The following ZNG1E variants were observed in gnomAD, a reference collection of about 807,000 sequenced individuals.
ZNG1E encodes Zn regulated GTPase metalloprotein activator 1E.
the ZNG1E span, among the ~76,000 whole-genome samples, chr9:65,685,043 TAAAAA>T: frequency 0.2 from 20,093 of 99,532 alleles, 63 homozygotes; most frequent in Middle Eastern, 0.25. Flanking sequence ...CCCCATTTCT[TAAAAA>T]AAAAAAAAAA....
chr9:65,661,097 G>GT, the ZNG1E span, among the ~76,000 whole-genome samples: 1 of 140,210 alleles, frequency 7.1e-6, no homozygotes, highest in African/African-American at 2.8e-5. Context: ...AGATATATAC[G>GT]TTTTTTAAAA....
the ZNG1E span, among the ~76,000 whole-genome samples, chr9:65,715,864 A>G: frequency 1.2e-4 from 4 of 33,100 alleles, no homozygotes; most frequent in African/African-American, 4.3e-4. Context: ...GTTTTTGCAT[A>G]TGGCAAGGTT....
At chr9:65,726,487 TTAA>T in the ZNG1E span, among the ~76,000 whole-genome samples, 8 of 42,852 alleles carry the variant, frequency 1.9e-4, no homozygotes, top group Non-Finnish European at 1.5e-4. Context: ...TGTAAGGATA[TTAA>T]AAAAAAAAAG....
the ZNG1E span, among the ~76,000 whole-genome samples, chr9:65,694,546 T>G: frequency 2.0e-5 from 3 of 152,078 alleles, no homozygotes; most frequent in Admixed American, 1.3e-4. Flanking sequence ...TACACGAAAC[T>G]GACACACTGT....
At chr9:65,669,765 A>G in the ZNG1E span, among the ~76,000 whole-genome samples, 2 of 152,160 alleles carry the variant, frequency 1.3e-5, no homozygotes, top group Admixed American at 6.5e-5. Flanking sequence ...CAGCCCCTAA[A>G]AACATTGAAA....
At chr9:65,656,629 C>T in the ZNG1E span, among the ~76,000 whole-genome samples, 1 of 152,284 alleles carries the variant, frequency 6.6e-6, no homozygotes, top group African/African-American at 2.4e-5. Context: ...CCCAGCCTGG[C>T]AGAGGCTGGA....
the ZNG1E span, chr9:65,706,595 C>A: frequency 9.4e-6 from 1 of 106,208 alleles, no homozygotes; most frequent in Middle Eastern, 4.3e-3. Flanking sequence ...TGAAGAATTT[C>A]TTTTTCATGG....
the ZNG1E span, among the ~76,000 whole-genome samples, chr9:65,659,443 C>T: frequency 6.7e-5 from 10 of 149,680 alleles, no homozygotes; most frequent in African/African-American, 1.5e-4. Flanking sequence ...TGCAGTGAGC[C>T]GAGATCATGC....
At chr9:65,724,229 CT>C in the ZNG1E span, among the ~76,000 whole-genome samples, 1 of 151,272 alleles carries the variant, frequency 6.6e-6, no homozygotes, top group Admixed American at 6.6e-5. Flanking sequence ...GATCATCCTT[CT>C]TGAGCCCCAT....
chr9:65,662,628 A>ATATAATATAACAAGAAT, the ZNG1E span, among the ~76,000 whole-genome samples: 18 of 151,084 alleles, frequency 1.2e-4, no homozygotes, highest in East Asian at 6.0e-4. Flanking sequence ...AATAACAAGA[A>ATATAATATAACAAGAAT]ATTAATGGTG....
the ZNG1E span, among the ~76,000 whole-genome samples, chr9:65,662,151 T>C: frequency 6.6e-6 from 1 of 152,238 alleles, no homozygotes; most frequent in Non-Finnish European, 1.5e-5. Context: ...CATCAACTTG[T>C]AGTATCCCTG....
the ZNG1E span, among the ~76,000 whole-genome samples, chr9:65,678,055 G>T: frequency 3.4e-5 from 5 of 148,524 alleles, no homozygotes; most frequent in Non-Finnish European, 5.9e-5. Flanking sequence ...AATCTGTAAC[G>T]TATTAGAAAC....
the ZNG1E span, among the ~76,000 whole-genome samples, chr9:65,678,796 T>C: frequency 1.7e-5 from 2 of 119,300 alleles, no homozygotes; most frequent in Admixed American, 1.8e-4. Flanking sequence ...TAAAAACTTT[T>C]ATAGATTGTT....
the ZNG1E span, among the ~76,000 whole-genome samples, chr9:65,667,090 G>T: frequency 2.0e-5 from 3 of 152,376 alleles, no homozygotes; most frequent in African/African-American, 7.2e-5. Flanking sequence ...CAAAGTGCTG[G>T]GATTACACAT....
At chr9:65,656,577 C>T in the ZNG1E span, among the ~76,000 whole-genome samples, 2 of 152,236 alleles carry the variant, frequency 1.3e-5, no homozygotes, top group South Asian at 2.1e-4. Flanking sequence ...TAGATCCCTA[C>T]ATCCTCTCTT....
chr9:65,665,104 T>G, the ZNG1E span, among the ~76,000 whole-genome samples: 1 of 152,264 alleles, frequency 6.6e-6, no homozygotes, highest in African/African-American at 2.4e-5. Flanking sequence ...AAAATCCCAT[T>G]TTCTGAGGAG....
At chr9:65,720,972 T>TAA in the ZNG1E span, among the ~76,000 whole-genome samples, 11,178 of 136,016 alleles carry the variant, frequency 0.082, 61 homozygotes, top group South Asian at 0.11. Context: ...GAATTTATGG[T>TAA]AAAAAAAAAA....
the ZNG1E span, among the ~76,000 whole-genome samples, chr9:65,728,607 T>C: frequency 6.8e-6 from 1 of 148,146 alleles, no homozygotes. Flanking sequence ...ATGCATAAAC[T>C]AGAAAACCTA....
chr9:65,659,077 C>G, the ZNG1E span, among the ~76,000 whole-genome samples: 1 of 152,204 alleles, frequency 6.6e-6, no homozygotes. Flanking sequence ...AAGTGAAAAT[C>G]CTATGTGTTT....
Sources: gnomAD v4.1 joint callset for allele counts (sites outside exome capture counted in the v4.1 genomes callset) on GRCh38, gnomAD v4.1.1 for gene constraint, MANE v1.5 for transcripts, NCBI Gene and HGNC (gene_info 2026-07-23, HGNC 2026-07-21) for gene names.